Variants in RBMS3 observed in about 807,000 individuals in gnomAD.
The protein encoded by RBMS3 is RNA binding motif single stranded interacting protein 3.
A neutral mutation model predicts 66.8 loss-of-function variants in RBMS3; 27 were observed. That is an observed-to-expected ratio of 0.40 (90% CI 0.30 to 0.56). The LOEUF (loss-of-function observed/expected upper bound fraction) is 0.56. Ranked by LOEUF, RBMS3 falls within the 20% of genes least tolerant of loss-of-function variation. The probability of loss-of-function intolerance (pLI) is 0.40; values close to 1 mark genes in which losing one functional copy is unlikely to be tolerated. For synonymous variants in RBMS3, 188 were observed against 183.0 expected (o/e 1.03, Z -0.22); for missense variants, 513 against 549.5 (o/e 0.93, Z 0.66).
intron 6 of RBMS3, among the ~76,000 whole-genome samples, chr3:29,854,431 A>C (rs964414051): frequency 6.6e-6 from 1 of 152,228 alleles, no homozygotes; most frequent in South Asian, 2.1e-4. Flanking sequence ...CTTCAGAATC[A>C]AATTCTCATG....
chr3:29,388,780 G>A (rs1318093881), intron 1 of RBMS3, among the ~76,000 whole-genome samples: 1 of 152,142 alleles, frequency 6.6e-6, no homozygotes, highest in East Asian at 1.9e-4. Flanking sequence ...TAGCCAGGAT[G>A]GTCTCAATCT....
chr3:29,869,031 C>A, intron 7 of RBMS3, 67 bp downstream of exon 7: 1 of 1,303,360 alleles, frequency 7.7e-7, no homozygotes. Flanking sequence ...GGTGGCAAGG[C>A]AGACGTATGG....
chr3:29,896,129 T>C (rs947839907), intron 8 of RBMS3, among the ~76,000 whole-genome samples: 12 of 151,472 alleles, frequency 7.9e-5, no homozygotes, highest in African/African-American at 2.7e-4. Flanking sequence ...TTTAAGACTA[T>C]AATTTAAGTA....
chr3:29,782,710 A>G (rs2056680424), intron 6 of RBMS3, among the ~76,000 whole-genome samples: 1 of 152,250 alleles, frequency 6.6e-6, no homozygotes, highest in Non-Finnish European at 1.5e-5. Flanking sequence ...AAAAGAATTC[A>G]GAAGGTTGAT....
intron 5 of RBMS3, among the ~76,000 whole-genome samples, chr3:29,758,221 C>T (rs926488281): frequency 3.3e-5 from 5 of 152,124 alleles, no homozygotes; most frequent in African/African-American, 1.2e-4. Context: ...GATTGAAGTA[C>T]ATCAGTCAGT....
intron 4 of RBMS3, among the ~76,000 whole-genome samples, chr3:29,692,607 T>C (rs1369230467): frequency 6.6e-6 from 1 of 152,174 alleles, no homozygotes; most frequent in Admixed American, 6.5e-5. Context: ...ACCATGTGTT[T>C]TCCTCTTCCC....
intron 3 of RBMS3, among the ~76,000 whole-genome samples, chr3:29,575,937 CA>C (rs772195566): frequency 2.0e-5 from 3 of 152,062 alleles, no homozygotes; most frequent in Non-Finnish European, 4.4e-5. Flanking sequence ...AAAATTTCCT[CA>C]AACAGCTATT....
chr3:29,341,561 T>G (rs2036285326), intron 1 of RBMS3, among the ~76,000 whole-genome samples: 1 of 152,158 alleles, frequency 6.6e-6, no homozygotes, highest in Admixed American at 6.6e-5. Flanking sequence ...GCAAGGTTAT[T>G]AAAGCTCAAG....
chr3:29,630,448 C>G (rs796997997), intron 4 of RBMS3, among the ~76,000 whole-genome samples: 1 of 151,924 alleles, frequency 6.6e-6, no homozygotes. Context: ...TTGTCAATTT[C>G]CCCCAGTGCC....
chr3:29,627,105 G>A (rs1335584433), intron 4 of RBMS3, among the ~76,000 whole-genome samples: 1 of 152,098 alleles, frequency 6.6e-6, no homozygotes, highest in African/African-American at 2.4e-5. Flanking sequence ...ATAAGATGAA[G>A]TGACTTCAGT....
chr3:29,760,870 T>TATC, intron 5 of RBMS3, among the ~76,000 whole-genome samples: 1 of 152,218 alleles, frequency 6.6e-6, no homozygotes. Flanking sequence ...TTTTTATTTT[T>TATC]ATCTATTAAA....
intron 12 of RBMS3, among the ~76,000 whole-genome samples, chr3:29,987,629 A>C (rs551199396): frequency 6.6e-6 from 1 of 152,312 alleles, no homozygotes; most frequent in Admixed American, 6.5e-5. Flanking sequence ...CAAAAATGAA[A>C]AAATGACATT....
intron 12 of RBMS3, among the ~76,000 whole-genome samples, chr3:29,968,353 G>T (rs1381375797): frequency 6.6e-6 from 1 of 152,134 alleles, no homozygotes; most frequent in East Asian, 1.9e-4. Context: ...CCTGAGTTCT[G>T]GCCGGGGGTT....
chr3:29,710,343 C>T lies in RBMS3; in HGVS notation c.400-29377C>T, dbSNP rs369001358. Reference sequence around the variant, plus strand: ...AATAATATATCAGTAATAATCACAGCTAAACTTCATTGCATATATTCTCTG... The same window carrying T: ...AATAATATATCAGTAATAATCACAGTTAAACTTCATTGCATATATTCTCTG... On this transcript the variant is annotated intron_variant, in intron 4 of 14. Coordinates refer to ENST00000383767, the MANE Select transcript of RBMS3 (RefSeq NM_001003793.3). Among the ~76,000 whole-genome samples the T allele has an allele frequency of 2.4e-4, 37 of 152,252 alleles. No homozygotes were observed. In the South Asian group the frequency reaches 7.5e-3, roughly 31 times the overall value.
intron 6 of RBMS3, among the ~76,000 whole-genome samples, chr3:29,829,428 T>C (rs2058303400): frequency 6.6e-6 from 1 of 152,182 alleles, no homozygotes; most frequent in Non-Finnish European, 1.5e-5. Context: ...CATACTGCTA[T>C]TATAAAAATA....
intron 1 of RBMS3, among the ~76,000 whole-genome samples, chr3:29,396,104 CAT>C (rs2039535724): frequency 6.6e-6 from 1 of 152,082 alleles, no homozygotes; most frequent in South Asian, 2.1e-4. Flanking sequence ...AGGTGGATAT[CAT>C]GTGCCTATGG....
At chr3:29,997,217 G>A (rs1280454958) in intron 14 of RBMS3, among the ~76,000 whole-genome samples, 1 of 152,048 alleles carries the variant, frequency 6.6e-6, no homozygotes, top group African/African-American at 2.4e-5. Flanking sequence ...GACTAAACCA[G>A]GAAGAAGTTG....
rs574895287 is a variant in RBMS3, at chr3:29,663,808, A to G, written c.400-75912A>G. The stretch of plus-strand genomic sequence containing the variant: ...AGAATATCATGGTTTTGGCTAACTC[A>G]TATATATGGCCCTTGGAAGTAAAGT... On this transcript the variant is annotated intron_variant, in intron 4 of 14. Transcript: ENST00000383767. Among the ~76,000 whole-genome samples, 45 of 152,280 alleles carry G rather than the reference A, an allele frequency of 3.0e-4. No individual in the cohort carries two copies. In the South Asian group the frequency reaches 8.7e-3, roughly 29 times the overall value.
chr3:29,740,036 G>A (rs932517270), intron 5 of RBMS3, 159 bp downstream of exon 5: 2 of 522,822 alleles, frequency 3.8e-6, no homozygotes, highest in African/African-American at 3.9e-5. Context: ...GTCTTTGCTT[G>A]GAGCTAAATA....
Sources: allele counts gnomAD v4.1 joint callset (sites outside exome capture counted in the v4.1 genomes callset), GRCh38; gene constraint gnomAD v4.1.1; transcripts MANE v1.5; gene names NCBI Gene and HGNC (gene_info 2026-07-23, HGNC 2026-07-21).